Variants in INSL6 observed in about 807,000 individuals in gnomAD.
INSL6 encodes insulin like 6.
A neutral mutation model predicts 9.4 loss-of-function variants in INSL6; 16 were observed. That is an observed-to-expected ratio of 1.70 (90% confidence interval 1.15 to 2.59). The LOEUF is 2.59. Among genes scored for constraint, INSL6 ranks in the 30% most tolerant of loss-of-function variants. The pLI, the probability that INSL6 is intolerant of heterozygous loss-of-function variation, is 0.00. For synonymous variants in INSL6, 154 were observed against 96.9 expected (o/e 1.59, Z -3.46); for missense variants, 391 against 257.3 (o/e 1.52, Z -3.56).
the INSL6 span, chr9:5,086,119 G>C: frequency 9.2e-6 from 4 of 434,818 alleles, no homozygotes; most frequent in Admixed American, 3.3e-5. Context: ...GGCATCGGCA[G>C]CGGCGCGCGG....
At chr9:5,130,682 A>AACTC (rs1464819561) in intron 3 of INSL6, among the ~76,000 whole-genome samples, 1 of 151,768 alleles carries the variant, frequency 6.6e-6, no homozygotes, top group Non-Finnish European at 1.5e-5. Context: ...ATATTATGGA[A>AACTC]ACTCAGAGTA....
chr9:5,075,079 A>G, the INSL6 span, among the ~76,000 whole-genome samples: 1 of 152,018 alleles, frequency 6.6e-6, no homozygotes, highest in African/African-American at 2.4e-5. Context: ...CAAGATCTTA[A>G]TGCTCTTAAA....
chr9:5,118,075 G>A, the INSL6 span, among the ~76,000 whole-genome samples: 1 of 152,078 alleles, frequency 6.6e-6, no homozygotes, highest in African/African-American at 2.4e-5. Flanking sequence ...CTTTAAATGT[G>A]TCCAACTGAA....
At chr9:5,048,163 A>T in the INSL6 span, among the ~76,000 whole-genome samples, 1 of 150,736 alleles carries the variant, frequency 6.6e-6, no homozygotes, top group Non-Finnish European at 1.5e-5. Context: ...TTTTTTTGAG[A>T]TGGAGTCTCC....
At position 5,164,154 on chromosome 9, in the gene INSL6, G is replaced by A; in HGVS notation, c.401C>T (p.Ser134Leu). Reference sequence around the variant, plus strand: ...ATGAATATATACATTGATATTATGTGATGAAGAAAATTCTCTTGTCTTACC... The same window carrying A: ...ATGAATATATACATTGATATTATGTAATGAAGAAAATTCTCTTGTCTTACC... ...PLGKTREFSSSHNINVYIHEN... is the reference protein window; with the variant it reads ...PLGKTREFSSLHNINVYIHEN... Residue 134 changes from serine (S) to leucine (L), a missense_variant, in exon 2 of 2, where the codon TCA becomes TTA. Ser to Leu is a moderately radical substitution (Grantham distance 145). Transcript: ENST00000381641. 1.2e-6 allele frequency: 2 copies of A among 1,607,274 alleles called. No homozygotes were observed. Among genetic ancestry groups the A allele is most frequent in the Non-Finnish European group, 1.7e-6 (2 of 1,176,900 alleles).
the INSL6 span, chr9:5,089,936 T>C: frequency 2.9e-6 from 3 of 1,044,424 alleles, no homozygotes; most frequent in Non-Finnish European, 3.9e-6. Flanking sequence ...AAATGTACAA[T>C]GTCTTAACGA....
At chr9:5,101,175 C>G in the INSL6 span, among the ~76,000 whole-genome samples, 7 of 152,234 alleles carry the variant, frequency 4.6e-5, no homozygotes, top group African/African-American at 1.7e-4. Flanking sequence ...GACACTTTTG[C>G]CCAAATACTG....
the INSL6 span, among the ~76,000 whole-genome samples, chr9:5,036,150 C>G: frequency 6.6e-6 from 1 of 151,380 alleles, no homozygotes; most frequent in African/African-American, 2.4e-5. Context: ...AAGAGAATAC[C>G]TAGGAATCCA....
At chr9:5,063,309 T>C in the INSL6 span, among the ~76,000 whole-genome samples, 1 of 152,242 alleles carries the variant, frequency 6.6e-6, no homozygotes, top group Admixed American at 6.5e-5. Flanking sequence ...GACTTCTCAA[T>C]ACAAAATTTC....
At chr9:5,011,973 A>C in the INSL6 span, among the ~76,000 whole-genome samples, 2 of 152,214 alleles carry the variant, frequency 1.3e-5, no homozygotes, top group African/African-American at 4.8e-5. Context: ...CTCCAGGACC[A>C]GATAGCTGTT....
the INSL6 span, among the ~76,000 whole-genome samples, chr9:4,996,227 T>C: frequency 6.6e-6 from 1 of 152,154 alleles, no homozygotes; most frequent in Non-Finnish European, 1.5e-5. Flanking sequence ...AGTATATGGA[T>C]CACCTGAGGT....
At chr9:5,077,251 A>G in the INSL6 span, among the ~76,000 whole-genome samples, 1 of 150,230 alleles carries the variant, frequency 6.7e-6, no homozygotes, top group Non-Finnish European at 1.5e-5. Context: ...AATTGTTTAG[A>G]CTCCTACTCT....
chr9:5,058,335 G>A, the INSL6 span, among the ~76,000 whole-genome samples: 1 of 152,192 alleles, frequency 6.6e-6, no homozygotes, highest in East Asian at 1.9e-4. Flanking sequence ...GGCAGAAGGT[G>A]AAGGGCAAGG....
chr9:5,049,649 C>A, the INSL6 span, among the ~76,000 whole-genome samples: 1 of 152,174 alleles, frequency 6.6e-6, no homozygotes, highest in African/African-American at 2.4e-5. Flanking sequence ...AAATTTTGGT[C>A]CCCTTGATGA....
the INSL6 span, among the ~76,000 whole-genome samples, chr9:5,021,780 A>T: frequency 1.3e-5 from 2 of 152,128 alleles, no homozygotes; most frequent in African/African-American, 4.8e-5. Flanking sequence ...GCGTGCTGCC[A>T]CGCCCAGCTA....
chr9:5,112,392 C>T, the INSL6 span: 2 of 433,780 alleles, frequency 4.6e-6, no homozygotes, highest in South Asian at 2.7e-5. Flanking sequence ...GGAAATCAAG[C>T]GGGAGGAGGA....
At chr9:5,157,072 T>A (rs1012080476) in intron 2 of INSL6, among the ~76,000 whole-genome samples, 1 of 152,082 alleles carries the variant, frequency 6.6e-6, no homozygotes, top group Non-Finnish European at 1.5e-5. Flanking sequence ...ATATGTATTA[T>A]AACTGTACAT....
chr9:5,147,051 C>G (rs534947675), intron 2 of INSL6, among the ~76,000 whole-genome samples: 4 of 152,148 alleles, frequency 2.6e-5, no homozygotes, highest in Admixed American at 1.3e-4. Context: ...ACTAAAGTCT[C>G]TTATGGGAGC....
At chr9:5,130,710 ATT>A (rs1290982828) in intron 3 of INSL6, among the ~76,000 whole-genome samples, 6 of 147,754 alleles carry the variant, frequency 4.1e-5, no homozygotes, top group African/African-American at 1.6e-4. Flanking sequence ...TCTTTTTTTT[ATT>A]TTTTTTATTT....
Sources: gnomAD v4.1 joint callset for allele counts (sites outside exome capture counted in the v4.1 genomes callset) on GRCh38, gnomAD v4.1.1 for gene constraint, MANE v1.5 for transcripts, NCBI Gene and HGNC (gene_info 2026-07-23, HGNC 2026-07-21) for gene names.